The following IGSF9B variants were observed in gnomAD, a reference collection of about 807,000 sequenced individuals.
IGSF9B encodes the protein protein turtle homolog B.
Under a neutral mutation model 143.7 loss-of-function variants are expected in IGSF9B, and 48 were observed. That is an observed-to-expected ratio of 0.33 (90% CI 0.26 to 0.42). IGSF9B has a LOEUF of 0.42. Among genes scored for constraint, IGSF9B ranks in the 20% least tolerant of loss-of-function variants. The pLI, the probability that IGSF9B is intolerant of heterozygous loss-of-function variation, is 1.00. For synonymous variants in IGSF9B, 903 were observed against 833.1 expected, an observed-to-expected ratio of 1.08 and a Z score of -1.44; for missense variants, 1,706 against 1,980.0, an observed-to-expected ratio of 0.86 and a Z score of 2.63.
At chr11:133,933,417 C>T (rs544561422) in intron 7 of IGSF9B, among the ~76,000 whole-genome samples, 19 of 152,326 alleles carry the variant, frequency 1.2e-4, no homozygotes, top group African/African-American at 4.3e-4. Flanking sequence ...ACCAGCCTTC[C>T]TTGGATTCAT....
Position 133,931,430 on chromosome 11 carries a change from C to A in IGSF9B, c.1368+23G>T. 1 of 1,560,496 alleles carries A rather than the reference C, an allele frequency of 6.4e-7. No homozygotes were observed. The highest frequency in any genetic ancestry group is 2.3e-5 in the East Asian group (1 of 44,398). On this transcript the variant is annotated intron_variant, in intron 10 of 19. Transcript: ENST00000533871. This position sits in a 1 kb window ranked among gnomAD's most constrained non-coding sequence, Gnocchi z 7.7. The stretch of plus-strand genomic sequence containing the variant: ...TGGGCCCTCACACCTCCCTGCAGAC[C>A]CAGGGCTCCAGGGCCCAGGTACCTT...
rs1269819164 is a variant in IGSF9B at position 133,922,651 on chromosome 11, G to A, written c.2199C>T (p.Phe733=). The change falls in exon 16 of 20, where the codon TTC becomes TTT. Residue 733 remains phenylalanine, a synonymous_variant. Coordinates refer to ENST00000533871, the MANE Select transcript of IGSF9B (RefSeq NM_001277285.4). ...TGCTGAACAGGATGGCAGCTGCCAA[G>A]AAGCAGATGGTAGCTACGATTCCCG... ...VLAGIVATIC[F]LAAAILFSTL... The A allele has an allele frequency of 1.3e-6, 2 of 1,598,738 alleles. No homozygotes were observed. Among genetic ancestry groups the A allele is most frequent in the East Asian group, 2.3e-5 (1 of 44,256 alleles).
In IGSF9B at chr11:133,925,837, G is replaced by A. The variant is rs753741145; in HGVS notation, c.1936C>T (p.Arg646Cys). The change falls in exon 14 of 20, where the codon CGC (arginine) becomes TGC (cysteine). Residue 646 changes from arginine to cysteine, a missense_variant. This residue lies in a region of IGSF9B where 267 missense variants were observed against 321.1 expected (regional missense o/e 0.83). Transcript: ENST00000533871. Reference sequence around the variant, plus strand: ...GCGACACGGAACTCCATGATGTAGCGGTCGATGGGAAAGCTGTGGTTGGCA... The same window carrying A: ...GCGACACGGAACTCCATGATGTAGCAGTCGATGGGAAAGCTGTGGTTGGCA... Reference protein sequence around the residue: ...PPANHSFPIDRYIMEFRVAER... With the variant: ...PPANHSFPIDCYIMEFRVAER... The A allele has an allele frequency of 1.6e-5, 26 of 1,613,772 alleles. No individual in the cohort carries two copies. The highest frequency in any genetic ancestry group is 4.0e-5 in the African/African-American group (3 of 74,944).
chr11:133,930,827 C>G (rs148159229), intron 11 of IGSF9B, among the ~76,000 whole-genome samples, 157 bp downstream of exon 11: 2,290 of 152,242 alleles, frequency 0.015, 35 homozygotes, highest in Middle Eastern at 0.048. Context: ...GGGGCAAAGG[C>G]TGCCGGTGCT....
rs556344072 is a variant in IGSF9B at position 133,901,847 on chromosome 11, ACACG to A, written c.*7218_*7221del. Reference sequence around the variant, plus strand: ...ACACACACAAACACACACACACCACACACGCACCACACACGCACCACACACGCAC... The same window carrying A: ...ACACACACAAACACACACACACCACACACCACACACGCACCACACACGCAC... On this transcript the variant is annotated 3_prime_UTR_variant, in exon 20 of 20. Coordinates refer to ENST00000533871, the MANE Select transcript of IGSF9B (RefSeq NM_001277285.4). 1.3e-4 allele frequency among the ~76,000 whole-genome samples: 19 copies of A among 147,892 alleles called. No homozygotes were observed. The South Asian group carries it at 4.2e-3, about 32-fold the overall frequency.
chr11:133,949,050 G>C (rs1272847948), intron 1 of IGSF9B, among the ~76,000 whole-genome samples: 1 of 152,134 alleles, frequency 6.6e-6, no homozygotes. Context: ...GCCAGCCCCT[G>C]GGCTAAGCGC....
chr11:133,933,726 T>C (rs1939773463), intron 7 of IGSF9B, among the ~76,000 whole-genome samples: 1 of 151,698 alleles, frequency 6.6e-6, no homozygotes, highest in African/African-American at 2.4e-5. Context: ...CCAACCTTGG[T>C]GACACAGCAG....
chr11:133,946,526 T>C (rs1037908926), intron 1 of IGSF9B, among the ~76,000 whole-genome samples: 1 of 152,056 alleles, frequency 6.6e-6, no homozygotes, highest in Admixed American at 6.5e-5. Flanking sequence ...TCTTCAGCCC[T>C]ACACGCCAGC....
intron 1 of IGSF9B, among the ~76,000 whole-genome samples, chr11:133,951,111 G>A (rs1421221855): frequency 5.9e-5 from 9 of 152,134 alleles, no homozygotes; most frequent in Admixed American, 2.0e-4. Flanking sequence ...GGAGGCACAC[G>A]CCCAGAGGAA....
chr11:133,906,214 C>T lies in IGSF9B; in HGVS notation c.*2855G>A, dbSNP rs543589481. Among the ~76,000 whole-genome samples the T allele has an allele frequency of 1.3e-5, 2 of 152,314 alleles. No homozygotes were observed. The highest frequency in any genetic ancestry group is 3.9e-4 in the East Asian group (2 of 5,178). On this transcript the variant is annotated 3_prime_UTR_variant, in exon 20 of 20. Transcript: ENST00000533871. Reference sequence around the variant, plus strand: ...CACTGGTCCCTAGAGGTGGTTACACCCCCATCACCCACATGCTCACAACCA... The same window carrying T: ...CACTGGTCCCTAGAGGTGGTTACACTCCCATCACCCACATGCTCACAACCA...
chr11:133,911,377 G>A (rs1167039406), intron 19 of IGSF9B, among the ~76,000 whole-genome samples: 1 of 152,176 alleles, frequency 6.6e-6, no homozygotes, highest in African/African-American at 2.4e-5. Context: ...CCAGGCTGCA[G>A]TGTACCCTGA....
chr11:133,919,802 C>G lies in IGSF9B; in HGVS notation c.3923G>C (p.Arg1308Pro). 6.6e-7 allele frequency: 1 copy of G among 1,510,136 alleles called. No homozygotes were observed. Among genetic ancestry groups the G allele is most frequent in the Non-Finnish European group, 8.9e-7 (1 of 1,127,302 alleles). 93.5% of individuals were successfully genotyped at this position (1,510,136 alleles called of 1,614,324 possible). The stretch of plus-strand genomic sequence containing the variant: ...TCGGAGCAATTCCTCCCCCGTCCTT[C>G]GAGGGGAAGGCGTCTGTCCAAACAC... ...LDVFGQTPSP[R>P]RTGEELLRPE... Residue 1308 changes from arginine (R) to proline (P), a missense_variant, in exon 18 of 20, where the codon CGA (arginine) becomes CCA (proline). Coordinates refer to ENST00000533871, the MANE Select transcript of IGSF9B (RefSeq NM_001277285.4).
At chr11:133,940,065 TACAG>T (rs1939903975) in intron 3 of IGSF9B, among the ~76,000 whole-genome samples, 1 of 113,338 alleles carries the variant, frequency 8.8e-6, no homozygotes, top group African/African-American at 3.3e-5. Context: ...TGTCATCATA[TACAG>T]AAACATACAC....
chr11:133,929,919 G>A (rs1591716773), intron 11 of IGSF9B, 137 bp from the exon 12 acceptor site: 4 of 622,314 alleles, frequency 6.4e-6, no homozygotes, highest in Admixed American at 2.7e-5. Flanking sequence ...AGGGATGGGG[G>A]CGACGGGGAT....
Position 133,920,122 on chromosome 11 carries a change from G to C in IGSF9B, c.3603C>G (p.Leu1201=). The change falls in exon 18 of 20, where the codon CTC becomes CTG. Residue 1201 remains leucine, a synonymous_variant. Transcript: ENST00000533871. The part of the protein sequence containing the change: ...LHQVVLQPSR[L]SPLTQSPLSS... Reference sequence around the variant, plus strand: ...TGAGGGGGCTTTGGGTCAGAGGTGAGAGCCGGGAGGGCTGTAGCACCACTT... The same window carrying C: ...TGAGGGGGCTTTGGGTCAGAGGTGACAGCCGGGAGGGCTGTAGCACCACTT... 6.6e-7 allele frequency: 1 copy of C among 1,513,136 alleles called. No homozygotes were observed. 93.7% of individuals were successfully genotyped at this position (1,513,136 alleles called of 1,614,324 possible). A position where few individuals can be genotyped will look rare whatever the true frequency, so the allele number is the denominator to read the frequency against.
At chr11:133,926,245 T>G (rs1030128904) in intron 13 of IGSF9B, among the ~76,000 whole-genome samples, 3 of 152,230 alleles carry the variant, frequency 2.0e-5, no homozygotes, top group African/African-American at 7.2e-5. Flanking sequence ...GATATCTTCT[T>G]TCTCACAGCA....
In IGSF9B at chr11:133,932,055, T is replaced by C; in HGVS notation, c.1110+16A>G. On this transcript the variant is annotated intron_variant, in intron 8 of 19. Transcript: ENST00000533871. ...GGAGCCCTCACTCCAACCCTCAACA[T>C]GCATCTCTCTAGCACCTTCTCAACC... is the stretch of plus-strand genomic sequence containing the variant. 1.2e-6 allele frequency: 2 copies of C among 1,602,352 alleles called. No individual in the cohort carries two copies. Among genetic ancestry groups the C allele is most frequent in the African/African-American group, 2.7e-5 (2 of 74,838 alleles).
chr11:133,955,879 G>GA lies in IGSF9B; in HGVS notation c.64+811dup, dbSNP rs1444442397. 8.0e-4 allele frequency among the ~76,000 whole-genome samples: 121 copies of GA among 152,024 alleles called. 1 individual carries two copies. Among genetic ancestry groups the GA allele is most frequent in the Non-Finnish European group, 1.2e-3 (80 of 67,956 alleles). On this transcript the variant is annotated intron_variant, in intron 1 of 19. Transcript: ENST00000533871. ...CCTCCGCTCGGATTCACAGCGTGGG[G>GA]ACCCCCCCTTCCCCGCCCCTCCCCT...
At position 133,913,157 on chromosome 11, in the gene IGSF9B, T is replaced by C. The variant is rs956960902; in HGVS notation, c.3984-1150A>G. On this transcript the variant is annotated intron_variant, in intron 18 of 19. Coordinates refer to ENST00000533871, the MANE Select transcript of IGSF9B (RefSeq NM_001277285.4). The surrounding 1 kb of genome is among the most constrained non-coding windows in gnomAD (Gnocchi z 4.6). Reference sequence around the variant, plus strand: ...CGTGATCAGAGAAGCAGGGACGCTCTGGGGCCACGGCGGACAGGCGTGCCT... The same window carrying C: ...CGTGATCAGAGAAGCAGGGACGCTCCGGGGCCACGGCGGACAGGCGTGCCT... Among the ~76,000 whole-genome samples, 1 of 152,170 alleles carries C rather than the reference T, an allele frequency of 6.6e-6. No homozygotes were observed. Among genetic ancestry groups the C allele is most frequent in the African/African-American group, 2.4e-5 (1 of 41,436 alleles).
Sources: gnomAD v4.1 joint callset for allele counts (sites outside exome capture counted in the v4.1 genomes callset) on GRCh38, gnomAD v4.1.1 for gene constraint, gnomAD v4.1.1 regional missense constraint, Gnocchi (gnomAD v3.1) non-coding constraint, MANE v1.5 for transcripts, NCBI Gene and HGNC (gene_info 2026-07-23, HGNC 2026-07-21) for gene names.